Variants in SYCP2L observed in about 807,000 individuals in gnomAD.
SYCP2L encodes the protein synaptonemal complex protein 2-like.
A neutral mutation model predicts 125.8 loss-of-function variants in SYCP2L; 98 were observed. The observed-to-expected ratio is 0.78, with a 90% CI of 0.66 to 0.92. SYCP2L has a LOEUF of 0.92. Among genes scored for constraint, SYCP2L ranks in the 40% least tolerant of loss-of-function variants. SYCP2L has a pLI of 0.00. For synonymous variants in SYCP2L, 317 were observed against 325.4 expected, an observed-to-expected ratio of 0.97 and a Z score of 0.28; for missense variants, 842 against 936.4, an observed-to-expected ratio of 0.90 and a Z score of 1.32.
intron 6 of SYCP2L, among the ~76,000 whole-genome samples, chr6:10,902,280 T>C (rs1232240618): frequency 1.3e-5 from 2 of 152,228 alleles, no homozygotes; most frequent in Non-Finnish European, 2.9e-5. Flanking sequence ...ATGCATCTTT[T>C]CCTCGCTCAC....
intron 1 of SYCP2L, among the ~76,000 whole-genome samples, chr6:10,888,066 C>CTTTTTTTTTTTTTT (rs70991066): frequency 2.7e-5 from 2 of 74,370 alleles, no homozygotes; most frequent in Non-Finnish European, 5.1e-5. Context: ...GTGTTACCAT[C>CTTTTTTTTTTTTTT]TTTTTTTTTT....
At chr6:10,901,481 C>T (rs1780376097) in intron 6 of SYCP2L, among the ~76,000 whole-genome samples, 2 of 152,158 alleles carry the variant, frequency 1.3e-5, no homozygotes, top group African/African-American at 2.4e-5. Context: ...TACTTTAGCT[C>T]AGGAAAATTT....
At chr6:10,894,659 A>G (rs1780227708) in intron 4 of SYCP2L, among the ~76,000 whole-genome samples, 1 of 152,178 alleles carries the variant, frequency 6.6e-6, no homozygotes, top group Non-Finnish European at 1.5e-5. Flanking sequence ...TAGCAGAAAC[A>G]TTTTTGCTTA....
chr6:10,964,236 C>T (rs1365496648), intron 29 of SYCP2L, among the ~76,000 whole-genome samples: 1 of 152,140 alleles, frequency 6.6e-6, no homozygotes, highest in East Asian at 1.9e-4. Flanking sequence ...GGATTACAGG[C>T]GTGAGCCACT....
chr6:10,963,783 T>C lies in SYCP2L; in HGVS notation c.2416T>C (p.Phe806Leu). ...AAGAGATGGACCAATTTCTTCCAGG[T>C]TCAATTCAACTCAGACTTCATAAGA... ...QSFCDLQVLR[F>L]NSTQTS is the part of the protein sequence containing the mutation. Residue 806 changes from phenylalanine (F) to leucine (L), a missense_variant and splice_region_variant, in exon 29 of 30, where the codon TTC becomes CTC. Phe to Leu is a conservative substitution (Grantham distance 22). Transcript: ENST00000283141. 1.2e-6 allele frequency: 2 copies of C among 1,613,804 alleles called. No individual in the cohort carries two copies. The highest frequency in any genetic ancestry group is 1.7e-6 in the Non-Finnish European group (2 of 1,179,798).
At chr6:10,891,161 T>G (rs185676373) in intron 1 of SYCP2L, among the ~76,000 whole-genome samples, 19 of 152,300 alleles carry the variant, frequency 1.2e-4, no homozygotes, top group Non-Finnish European at 2.4e-4. Context: ...CAAGCTCTCA[T>G]TCTGAAAATG....
rs1397250197 is a variant in SYCP2L, at chr6:10,954,509, T to C, written c.1955-607T>C. Among the ~76,000 whole-genome samples the C allele has an allele frequency of 6.6e-6, 1 of 152,136 alleles. No individual in the cohort carries two copies. The highest frequency in any genetic ancestry group is 1.5e-5 in the Non-Finnish European group (1 of 68,036). The stretch of plus-strand genomic sequence containing the variant: ...CATAAAGCCAGGGCTCTGTGAACCA[T>C]GGTGGTGCCATTGATAAGATGATGA... On this transcript the variant is annotated intron_variant, in intron 23 of 29. Coordinates refer to ENST00000283141, the MANE Select transcript of SYCP2L (RefSeq NM_001040274.3). This position sits in a 1 kb window ranked among gnomAD's most constrained non-coding sequence, Gnocchi z 4.8.
Position 10,963,843 on chromosome 6 carries a change from G to C in SYCP2L, c.*37G>C, listed in dbSNP as rs1209411406. The C allele has an allele frequency of 6.2e-7, 1 of 1,613,080 alleles. No homozygotes were observed. The highest frequency in any genetic ancestry group is 8.5e-7 in the Non-Finnish European group (1 of 1,179,182). ...CCTGGTTTTATGATTGCAGCCCTCA[G>C]GTAGGTGCAAAGATTTGCATTGTTC... On this transcript the variant is annotated splice_region_variant and 3_prime_UTR_variant, in exon 29 of 30. Coordinates refer to ENST00000283141, the MANE Select transcript of SYCP2L (RefSeq NM_001040274.3).
In SYCP2L at chr6:10,967,907, G is replaced by A. The variant is rs1378125898; in HGVS notation, c.*37+4064G>A. On this transcript the variant is annotated intron_variant, in intron 29 of 29. Coordinates refer to ENST00000283141, the MANE Select transcript of SYCP2L (RefSeq NM_001040274.3). Reference sequence around the variant, plus strand: ...AGCAAAATTCTGCTCAGATTCAGGTGTAAAGAAAGTAGAGAGAAGGCTTCA... The same window carrying A: ...AGCAAAATTCTGCTCAGATTCAGGTATAAAGAAAGTAGAGAGAAGGCTTCA... Among the ~76,000 whole-genome samples the A allele has an allele frequency of 2.0e-5, 3 of 152,152 alleles. No homozygotes were observed. The East Asian group carries it at 5.8e-4, about 29-fold the overall frequency.
intron 9 of SYCP2L, 151 bp downstream of exon 9, chr6:10,906,205 A>T: frequency 1.9e-6 from 1 of 514,460 alleles, no homozygotes. Flanking sequence ...AGATTTTAGC[A>T]TGCTGGAAAC....
At chr6:10,931,964 CAAA>C (rs70991075) in intron 20 of SYCP2L, among the ~76,000 whole-genome samples, 2 of 102,676 alleles carry the variant, frequency 1.9e-5, no homozygotes, top group Admixed American at 1.0e-4. Flanking sequence ...GACCGTGTCT[CAAA>C]AAAAAAAAAA....
At chr6:10,970,239 A>G (rs1395440280) in intron 29 of SYCP2L, among the ~76,000 whole-genome samples, 2 of 152,134 alleles carry the variant, frequency 1.3e-5, no homozygotes, top group Non-Finnish European at 2.9e-5. Context: ...TTCAGAGGGA[A>G]TGGCCCAGGC....
At chr6:10,901,352 A>G (rs1780374160) in intron 6 of SYCP2L, among the ~76,000 whole-genome samples, 1 of 152,074 alleles carries the variant, frequency 6.6e-6, no homozygotes, top group South Asian at 2.1e-4. Flanking sequence ...TTTATACAAT[A>G]TTACTCTCAC....
chr6:10,937,519 C>T (rs75625548), intron 21 of SYCP2L, among the ~76,000 whole-genome samples: 5,136 of 151,866 alleles, frequency 0.034, 273 homozygotes, highest in African/African-American at 0.12. Flanking sequence ...CCTCAAGAAA[C>T]TGAAAAAAGA....
At chr6:10,915,495 T>C (rs955435010) in intron 14 of SYCP2L, among the ~76,000 whole-genome samples, 1 of 152,190 alleles carries the variant, frequency 6.6e-6, no homozygotes, top group Non-Finnish European at 1.5e-5. Context: ...GGTATGTCCC[T>C]TGTATGCCGA....
chr6:10,942,739 A>G lies in SYCP2L; in HGVS notation c.1947A>G (p.Glu649=). Residue 649 remains glutamate, a synonymous_variant, in exon 23 of 30, where the codon GAA becomes GAG. Coordinates refer to ENST00000283141, the MANE Select transcript of SYCP2L (RefSeq NM_001040274.3). ...TGAAACATAAGCTGAGAAACTTGGA[A>G]GACAAAGGTAAGAGAATAGTACTTT... is the stretch of plus-strand genomic sequence containing the variant. ...TSLKHKLRNL[E]DKDIPEGSFA... is the part of the protein sequence containing the mutation. 6.2e-7 allele frequency: 1 copy of G among 1,611,490 alleles called. No homozygotes were observed. The highest frequency in any genetic ancestry group is 8.5e-7 in the Non-Finnish European group (1 of 1,179,274).
chr6:10,946,837 T>C (rs1338127056), intron 23 of SYCP2L, among the ~76,000 whole-genome samples: 1 of 152,082 alleles, frequency 6.6e-6, no homozygotes, highest in Admixed American at 6.5e-5. Context: ...GATAAACCTT[T>C]TTGTTTATCT....
In SYCP2L at chr6:10,954,425, C is replaced by T. The variant is rs1781464375; in HGVS notation, c.1955-691C>T. Among the ~76,000 whole-genome samples, 2 of 152,052 alleles carry T rather than the reference C, an allele frequency of 1.3e-5. No homozygotes were observed. Among genetic ancestry groups the T allele is most frequent in the African/African-American group, 4.8e-5 (2 of 41,394 alleles). Reference sequence around the variant, plus strand: ...AACTCAGAGAGGGAGGGATTCATTCCATAGGCAGAACCTTGAGGATGGAGG... The same window carrying T: ...AACTCAGAGAGGGAGGGATTCATTCTATAGGCAGAACCTTGAGGATGGAGG... On this transcript the variant is annotated intron_variant, in intron 23 of 29. Coordinates refer to ENST00000283141, the MANE Select transcript of SYCP2L (RefSeq NM_001040274.3). This position sits in a 1 kb window ranked among gnomAD's most constrained non-coding sequence, Gnocchi z 4.8.
At chr6:10,911,004 G>A in intron 12 of SYCP2L, 135 bp downstream of exon 12, 1 of 906,878 alleles carries the variant, frequency 1.1e-6, no homozygotes, top group Non-Finnish European at 1.8e-6. Flanking sequence ...GTCTTCTAAT[G>A]ACCTCAGTTC....
Sources: allele counts gnomAD v4.1 joint callset (sites outside exome capture counted in the v4.1 genomes callset), GRCh38; gene constraint gnomAD v4.1.1; non-coding constraint Gnocchi (gnomAD v3.1); transcripts MANE v1.5; gene names NCBI Gene and HGNC (gene_info 2026-07-23, HGNC 2026-07-21).